Variants in IQGAP2 observed in about 807,000 individuals in gnomAD.
IQGAP2 encodes the protein IQ motif containing GTPase activating protein 2, also known as ras GTPase-activating-like protein IQGAP2.
A neutral mutation model predicts 201.3 loss-of-function variants in IQGAP2; 173 were observed. That is an observed-to-expected ratio of 0.86 (90% CI 0.76 to 0.98). IQGAP2 has a LOEUF of 0.98. Ranked by LOEUF, IQGAP2 falls within the 50% of genes least tolerant of loss-of-function variation. The pLI is 0.00. For synonymous variants in IQGAP2, 675 were observed against 673.9 expected, an observed-to-expected ratio of 1.00 and a Z score of -0.03; for missense variants, 1,687 against 1,864.8, an observed-to-expected ratio of 0.90 and a Z score of 1.76.
intron 4 of IQGAP2, among the ~76,000 whole-genome samples, chr5:76,572,638 A>G (rs1233972614): frequency 6.6e-6 from 1 of 151,682 alleles, no homozygotes; most frequent in Non-Finnish European, 1.5e-5. Context: ...GGGTTTCCAC[A>G]TGTTGGCCAG....
At chr5:76,625,029 G>T (rs980328409) in intron 13 of IQGAP2, among the ~76,000 whole-genome samples, 2 of 151,960 alleles carry the variant, frequency 1.3e-5, no homozygotes, top group African/African-American at 4.8e-5. Context: ...AGCAAGCCTG[G>T]GTGACAGAGC....
Position 76,668,744 on chromosome 5 carries a change from A to G in IQGAP2, c.2743A>G (p.Met915Val). 2.5e-6 allele frequency: 4 copies of G among 1,611,624 alleles called. No individual in the cohort carries two copies. The highest frequency in any genetic ancestry group is 3.4e-6 in the Non-Finnish European group (4 of 1,178,416). ...GCCACAGAACAAGTCCACTAAATTT[A>G]TGGATACTGTTATTTTCACACTATA... ...QMPQNKSTKFMDTVIFTLYNY... is the reference protein window; with the variant it reads ...QMPQNKSTKFVDTVIFTLYNY... Residue 915 changes from methionine to valine, a missense_variant, in exon 23 of 36, where the codon ATG becomes GTG. By Grantham distance (21) the Met-to-Val change is conservative (BLOSUM62 1). Transcript: ENST00000274364.
At chr5:76,549,736 G>A (rs367726214) in intron 2 of IQGAP2, among the ~76,000 whole-genome samples, 22 of 152,164 alleles carry the variant, frequency 1.4e-4, no homozygotes, top group African/African-American at 4.6e-4. Context: ...CTCTATGAGC[G>A]TTCAGCCCTG....
intron 2 of IQGAP2, among the ~76,000 whole-genome samples, chr5:76,551,865 G>T (rs1395608392): frequency 7.0e-6 from 1 of 142,148 alleles, no homozygotes. Flanking sequence ...ACGGGAGAGG[G>T]AGACGGAGAG....
Position 76,511,035 on chromosome 5 carries a change from G to A in IQGAP2, c.146+49366G>A, listed in dbSNP as rs149082803. On this transcript the variant is annotated intron_variant, in intron 2 of 35. Coordinates refer to ENST00000274364, the MANE Select transcript of IQGAP2 (RefSeq NM_006633.5). ...AGAGAATGAAAGGAGAACAGAGATGGGCTTGCAGAGCCACATGCTGCTGGC... is the reference window on the plus strand; with the variant it reads ...AGAGAATGAAAGGAGAACAGAGATGAGCTTGCAGAGCCACATGCTGCTGGC... 2.3e-3 allele frequency among the ~76,000 whole-genome samples: 355 copies of A among 152,268 alleles called. 4 individuals carry two copies. The highest frequency in any genetic ancestry group is 8.3e-3 in the African/African-American group (344 of 41,544).
intron 3 of IQGAP2, among the ~76,000 whole-genome samples, chr5:76,564,332 C>T (rs1744588941): frequency 6.6e-6 from 1 of 152,142 alleles, no homozygotes; most frequent in African/African-American, 2.4e-5. Flanking sequence ...CTAGGTCTGT[C>T]AGTACCAACA....
chr5:76,462,261 G>A (rs1022523139), intron 2 of IQGAP2, among the ~76,000 whole-genome samples: 5 of 152,172 alleles, frequency 3.3e-5, no homozygotes, highest in Admixed American at 6.5e-5. Context: ...GCCCAATGAT[G>A]ATAAATGCCC....
chr5:76,625,246 T>C (rs1945913716), intron 13 of IQGAP2, among the ~76,000 whole-genome samples: 1 of 152,214 alleles, frequency 6.6e-6, no homozygotes, highest in Non-Finnish European at 1.5e-5. Flanking sequence ...TGAAGTAAGA[T>C]TGTTACTGCC....
intron 1 of IQGAP2, among the ~76,000 whole-genome samples, chr5:76,413,241 TCACTG>T (rs1281515226): frequency 7.5e-6 from 1 of 134,186 alleles, no homozygotes; most frequent in Non-Finnish European, 1.5e-5. Flanking sequence ...CGATCTTGGC[TCACTG>T]CAACCTCCAC....
At chr5:76,473,159 C>A (rs1561397944) in intron 2 of IQGAP2, among the ~76,000 whole-genome samples, 1 of 152,166 alleles carries the variant, frequency 6.6e-6, no homozygotes, top group Non-Finnish European at 1.5e-5. Flanking sequence ...TTCTTTATTT[C>A]TTAATGTGTT....
chr5:76,550,919 A>T (rs1162080255), intron 2 of IQGAP2, among the ~76,000 whole-genome samples: 2 of 151,862 alleles, frequency 1.3e-5, no homozygotes, highest in South Asian at 2.1e-4. Context: ...CACTTCCCAC[A>T]CGGGGCGGCC....
chr5:76,663,574 A>G (rs1743462050), intron 21 of IQGAP2, among the ~76,000 whole-genome samples: 1 of 152,248 alleles, frequency 6.6e-6, no homozygotes, highest in Non-Finnish European at 1.5e-5. Context: ...AAATATCAGC[A>G]TGTACCATTA....
At chr5:76,560,318 CTTTT>C (rs34182814) in intron 2 of IQGAP2, among the ~76,000 whole-genome samples, 9 of 133,324 alleles carry the variant, frequency 6.8e-5, no homozygotes, top group African/African-American at 1.7e-4. Context: ...ATGCCTGGCT[CTTTT>C]TTTTTTTTTT....
At chr5:76,442,261 T>C (rs1003489257) in intron 1 of IQGAP2, among the ~76,000 whole-genome samples, 1 of 152,232 alleles carries the variant, frequency 6.6e-6, no homozygotes, top group Non-Finnish European at 1.5e-5. Flanking sequence ...TTTCTTCCTA[T>C]CTTTCCAATT....
intron 2 of IQGAP2, among the ~76,000 whole-genome samples, chr5:76,469,826 T>A (rs1755007232): frequency 6.6e-6 from 1 of 152,224 alleles, no homozygotes; most frequent in Non-Finnish European, 1.5e-5. Flanking sequence ...AGGATTCAGA[T>A]GAAGTGGAGA....
At chr5:76,404,553 G>A (rs1413067137) in intron 1 of IQGAP2, 1 of 897,666 alleles carries the variant, frequency 1.1e-6, no homozygotes, top group African/African-American at 1.8e-5. Flanking sequence ...GGGTTAAGGT[G>A]GTGATACCTT....
intron 2 of IQGAP2, among the ~76,000 whole-genome samples, chr5:76,474,116 A>G (rs1755275325): frequency 6.6e-6 from 1 of 152,162 alleles, no homozygotes; most frequent in South Asian, 2.1e-4. Context: ...TCCCCATTTC[A>G]TATATGGGGA....
chr5:76,450,953 C>G (rs1718772822), intron 1 of IQGAP2, among the ~76,000 whole-genome samples: 1 of 149,782 alleles, frequency 6.7e-6, no homozygotes, highest in Non-Finnish European at 1.5e-5. Context: ...TTAATTCACA[C>G]TCACTAACAG....
chr5:76,403,519 C>G lies in IQGAP2; in HGVS notation c.-27C>G. On this transcript the variant is annotated 5_prime_UTR_variant, in exon 1 of 36. Transcript: ENST00000274364. This position sits in a 1 kb window ranked among gnomAD's most constrained non-coding sequence, Gnocchi z 4.8. Reference sequence around the variant, plus strand: ...CGAGGGTAGCCGCGGGGGGCGCGCCCCGGGCGGGCCCCCGGAGACGCGCAG... The same window carrying G: ...CGAGGGTAGCCGCGGGGGGCGCGCCGCGGGCGGGCCCCCGGAGACGCGCAG... 6.8e-7 allele frequency: 1 copy of G among 1,467,896 alleles called. No homozygotes were observed. Among genetic ancestry groups the G allele is most frequent in the African/African-American group, 1.5e-5 (1 of 67,600 alleles). 90.9% of individuals were successfully genotyped at this position (1,467,896 alleles called of 1,614,324 possible). A position where few individuals can be genotyped will look rare whatever the true frequency, so the allele number is the denominator to read the frequency against.
Sources: allele counts gnomAD v4.1 joint callset (sites outside exome capture counted in the v4.1 genomes callset), GRCh38; gene constraint gnomAD v4.1.1; non-coding constraint Gnocchi (gnomAD v3.1); transcripts MANE v1.5; gene names NCBI Gene and HGNC (gene_info 2026-07-23, HGNC 2026-07-21).